Variants in PDILT observed in about 807,000 individuals in gnomAD.
PDILT encodes protein disulfide-isomerase-like protein of the testis.
Under a neutral mutation model 53.7 loss-of-function variants are expected in PDILT, and 43 were observed. The ratio of observed to expected loss-of-function variants is 0.80; its 90% confidence interval spans 0.63 to 1.03. PDILT has a LOEUF of 1.03. Among genes scored for constraint, PDILT ranks in the 50% least tolerant of loss-of-function variants. The pLI is 0.00. For missense variants in PDILT, 727 were observed against 712.3 expected, an observed-to-expected ratio of 1.02 and a Z score of -0.24; for synonymous variants, 282 against 274.2, an observed-to-expected ratio of 1.03 and a Z score of -0.28.
At chr16:20,389,268 C>T (rs1343186041) in intron 2 of PDILT, among the ~76,000 whole-genome samples, 1 of 151,922 alleles carries the variant, frequency 6.6e-6, no homozygotes, top group African/African-American at 2.4e-5. Flanking sequence ...TTCCTTGTGG[C>T]CCAGGAAAGT....
In PDILT at chr16:20,372,988, T is replaced by C. The variant is rs771164803; in HGVS notation, c.792+24A>G. 3.1e-6 allele frequency: 5 copies of C among 1,613,494 alleles called. No homozygotes were observed. The South Asian group carries it at 3.3e-5, about 11-fold the overall frequency. On this transcript the variant is annotated intron_variant, in intron 6 of 11. Coordinates refer to ENST00000302451, the MANE Select transcript of PDILT (RefSeq NM_174924.2). ...ACACAGTGGCCCCAGCTCCCCTTCC[T>C]CCGGGGACCATTTACTCACTGACCT...
rs145402278 is a variant in PDILT at position 20,400,704 on chromosome 16, A to T, written c.-7-1397T>A. 4.4e-3 allele frequency among the ~76,000 whole-genome samples: 675 copies of T among 152,226 alleles called. 2 individuals carry two copies. Among genetic ancestry groups the T allele is most frequent in the African/African-American group, 0.015 (637 of 41,548 alleles). On this transcript the variant is annotated intron_variant, in intron 1 of 11. Coordinates refer to ENST00000302451, the MANE Select transcript of PDILT (RefSeq NM_174924.2). ...TCACTCAACTTCACTTATTGTCATGACCAATGTTATTTTATTTATATTCTT... is the reference window on the plus strand; with the variant it reads ...TCACTCAACTTCACTTATTGTCATGTCCAATGTTATTTTATTTATATTCTT...
At chr16:20,387,015 A>T (rs1231959945) in intron 2 of PDILT, among the ~76,000 whole-genome samples, 1 of 152,206 alleles carries the variant, frequency 6.6e-6, no homozygotes, top group African/African-American at 2.4e-5. Flanking sequence ...TCTGAGAGCT[A>T]GATTGATGGG....
chr16:20,404,349 T>C (rs562275946), intron 1 of PDILT, 147 bp downstream of exon 1: 3 of 152,188 alleles, frequency 2.0e-5, no homozygotes, highest in Non-Finnish European at 4.4e-5. Context: ...TATTATTATT[T>C]TTTAAAATCC....
rs79985317 is a variant in PDILT, at chr16:20,394,542, T to A, written c.202+4557A>T. ...CAGGCCAATGGAATGTGGGTAGAAA[T>A]GATGTACACCAGTGCTTCTCACACT... On this transcript the variant is annotated intron_variant, in intron 2 of 11. Coordinates refer to ENST00000302451, the MANE Select transcript of PDILT (RefSeq NM_174924.2). Among the ~76,000 whole-genome samples, 541 of 152,310 alleles carry A rather than the reference T, an allele frequency of 3.6e-3. 4 individuals carry two copies. Among genetic ancestry groups the A allele is most frequent in the African/African-American group, 0.012 (514 of 41,560 alleles).
chr16:20,391,753 G>T (rs758757034), intron 2 of PDILT, among the ~76,000 whole-genome samples: 1 of 151,862 alleles, frequency 6.6e-6, no homozygotes, highest in Admixed American at 6.6e-5. Context: ...ACCATATAGC[G>T]AATGCTGAGA....
intron 8 of PDILT, among the ~76,000 whole-genome samples, chr16:20,368,540 G>C (rs1296277244): frequency 6.6e-6 from 1 of 152,132 alleles, no homozygotes; most frequent in Non-Finnish European, 1.5e-5. Context: ...ACTCAGGTAA[G>C]GGGACCATCA....
intron 7 of PDILT, among the ~76,000 whole-genome samples, chr16:20,371,985 A>G (rs1966313490): frequency 6.6e-6 from 1 of 152,116 alleles, no homozygotes. Flanking sequence ...AAAGTTCTCA[A>G]TTGTTTTATT....
At chr16:20,384,611 G>A (rs1410669142) in intron 3 of PDILT, 34 bp downstream of exon 3, 56 of 1,612,250 alleles carry the variant, frequency 3.5e-5, no homozygotes, top group Non-Finnish European at 4.6e-5. Context: ...CTTTCCATGA[G>A]CATGAAACAA....
In PDILT at chr16:20,359,314, A is replaced by G. The variant is rs1257435125; in HGVS notation, c.*5T>C. 6.2e-7 allele frequency: 1 copy of G among 1,611,688 alleles called. No individual in the cohort carries two copies. Among genetic ancestry groups the G allele is most frequent in the Non-Finnish European group, 8.5e-7 (1 of 1,179,334 alleles). ...TAAGCATCTTTTTTCCTGGTATTGG[A>G]GAAGCTAAAGTTCTTCCTTGACTTT... On this transcript the variant is annotated 3_prime_UTR_variant, in exon 12 of 12. Transcript: ENST00000302451.
At chr16:20,388,566 A>G (rs751714193) in intron 2 of PDILT, among the ~76,000 whole-genome samples, 1 of 152,158 alleles carries the variant, frequency 6.6e-6, no homozygotes, top group Non-Finnish European at 1.5e-5. Context: ...TACACAGCCA[A>G]CGCCACTCTT....
rs183776401 is a variant in PDILT at position 20,403,303 on chromosome 16, G to T, written c.-8+1193C>A. 9.2e-5 allele frequency among the ~76,000 whole-genome samples: 14 copies of T among 152,112 alleles called. No homozygotes were observed. In the East Asian group the frequency reaches 2.7e-3, roughly 29 times the overall value. On this transcript the variant is annotated intron_variant, in intron 1 of 11. Coordinates refer to ENST00000302451, the MANE Select transcript of PDILT (RefSeq NM_174924.2). Reference sequence around the variant, plus strand: ...CATTTCCTTTATTTTTATTTTTATTGTTTGAGACAGAGTTTTGCTCTTGTT... The same window carrying T: ...CATTTCCTTTATTTTTATTTTTATTTTTTGAGACAGAGTTTTGCTCTTGTT...
At chr16:20,396,940 T>A (rs1217582094) in intron 2 of PDILT, among the ~76,000 whole-genome samples, 5 of 152,144 alleles carry the variant, frequency 3.3e-5, no homozygotes, top group African/African-American at 1.2e-4. Flanking sequence ...CTGAGCCCAC[T>A]TTCATCACCA....
At chr16:20,401,881 A>G (rs1301008779) in intron 1 of PDILT, among the ~76,000 whole-genome samples, 1 of 152,240 alleles carries the variant, frequency 6.6e-6, no homozygotes, top group Non-Finnish European at 1.5e-5. Flanking sequence ...GGGCAGTGGG[A>G]GGTGTCAGGT....
rs757106396 is a variant in PDILT at position 20,372,854 on chromosome 16, T to C, written c.866A>G (p.Tyr289Cys). ...LLFVSKSSES[Y>C]GIIIQHYKLA... ...CTTATAATGCTGAATTATGATACCA[T>C]ATGACTCGGAGCTTTTGGAGACAAA... is the stretch of plus-strand genomic sequence containing the variant. Residue 289 changes from tyrosine to cysteine, a missense_variant, in exon 7 of 12, where the codon TAT (tyrosine) becomes TGT (cysteine). By Grantham distance (194) the Tyr-to-Cys change is radical. Coordinates refer to ENST00000302451, the MANE Select transcript of PDILT (RefSeq NM_174924.2). 1.9e-6 allele frequency: 3 copies of C among 1,614,092 alleles called. No homozygotes were observed. The highest frequency in any genetic ancestry group is 2.5e-6 in the Non-Finnish European group (3 of 1,179,956).
At position 20,376,182 on chromosome 16, in the gene PDILT, G is replaced by C; in HGVS notation, c.429C>G (p.Ala143=). 6.2e-7 allele frequency: 1 copy of C among 1,614,182 alleles called. No individual in the cohort carries two copies. The highest frequency in any genetic ancestry group is 8.5e-7 in the Non-Finnish European group (1 of 1,180,036). ...TTTGTCGTCTCAACCAAACGACTAAGGCAGCAGATTCAACCACTCCTGGAG... is the reference window on the plus strand; with the variant it reads ...TTTGTCGTCTCAACCAAACGACTAACGCAGCAGATTCAACCACTCCTGGAG... ...ISCKGVVESA[A]LVVWLRRQIS... is the part of the protein sequence containing the mutation. Residue 143 remains alanine, a synonymous_variant, in exon 4 of 12, where the codon GCC becomes GCG. Coordinates refer to ENST00000302451, the MANE Select transcript of PDILT (RefSeq NM_174924.2).
chr16:20,395,562 CACAT>C (rs920804266), intron 2 of PDILT, among the ~76,000 whole-genome samples: 3 of 152,158 alleles, frequency 2.0e-5, no homozygotes, highest in Admixed American at 6.5e-5. Context: ...TGTCCCACCT[CACAT>C]AGTGTGTGAG....
At chr16:20,395,969 C>T (rs1202804882) in intron 2 of PDILT, among the ~76,000 whole-genome samples, 2 of 152,158 alleles carry the variant, frequency 1.3e-5, no homozygotes, top group African/African-American at 4.8e-5. Flanking sequence ...AATTACCCAG[C>T]CTCAGGTATT....
intron 2 of PDILT, among the ~76,000 whole-genome samples, chr16:20,385,166 C>T (rs1445999594): frequency 1.3e-5 from 2 of 152,192 alleles, no homozygotes; most frequent in Middle Eastern, 3.2e-3. Flanking sequence ...TTCAAGGAAT[C>T]GTCAGAGTTA....
Sources: allele counts gnomAD v4.1 joint callset (sites outside exome capture counted in the v4.1 genomes callset), GRCh38; gene constraint gnomAD v4.1.1; transcripts MANE v1.5; gene names NCBI Gene and HGNC (gene_info 2026-07-23, HGNC 2026-07-21).